KIF6: variants seen among roughly 807,000 people sequenced by gnomAD.
KIF6 encodes kinesin-like protein KIF6.
Under a neutral mutation model 112.7 loss-of-function variants are expected in KIF6, and 106 were observed. The ratio of observed to expected loss-of-function variants is 0.94; its 90% CI spans 0.80 to 1.11. The LOEUF is 1.11. Ranked by LOEUF, KIF6 falls within the 50% of genes least tolerant of loss-of-function variation. The pLI is 0.00. For missense variants in KIF6, 929 were observed against 964.0 expected (o/e 0.96, Z 0.48); for synonymous variants, 339 against 339.9 (o/e 1.00, Z 0.03).
At chr6:39,337,146 TTC>T (rs1197653120) in intron 22 of KIF6, among the ~76,000 whole-genome samples, 1 of 121,040 alleles carries the variant, frequency 8.3e-6, no homozygotes, top group African/African-American at 3.3e-5. Flanking sequence ...CTTCCTTCCT[TTC>T]TCTTTCTTTT....
At chr6:39,518,371 T>A (rs1404397634) in intron 13 of KIF6, among the ~76,000 whole-genome samples, 5 of 152,228 alleles carry the variant, frequency 3.3e-5, no homozygotes, top group Admixed American at 3.3e-4. Flanking sequence ...AGTTACTCTG[T>A]GTTATTATAT....
chr6:39,614,135 A>T (rs775241219), intron 5 of KIF6, among the ~76,000 whole-genome samples: 11 of 152,174 alleles, frequency 7.2e-5, no homozygotes, highest in Non-Finnish European at 1.0e-4. Flanking sequence ...AGTGGAACAA[A>T]ATTTGGCTAA....
chr6:39,412,878 G>T (rs966796235), intron 15 of KIF6, among the ~76,000 whole-genome samples: 4 of 151,968 alleles, frequency 2.6e-5, no homozygotes, highest in Non-Finnish European at 5.9e-5. Context: ...TCGTGCTGCT[G>T]TCCCCCATCT....
chr6:39,603,528 A>AT (rs145260008), intron 6 of KIF6, among the ~76,000 whole-genome samples: 53 of 146,774 alleles, frequency 3.6e-4, no homozygotes, highest in Admixed American at 1.1e-3. Context: ...ATGGTGATGC[A>AT]TTTTTTTTTT....
intron 13 of KIF6, among the ~76,000 whole-genome samples, chr6:39,530,743 T>C (rs533188291): frequency 2.0e-5 from 3 of 152,322 alleles, no homozygotes; most frequent in Admixed American, 6.5e-5. Flanking sequence ...GTTTCAGAGA[T>C]GGTCAGATTT....
chr6:39,725,366 C>CT lies in KIF6; in HGVS notation c.-57dup. The CT allele has an allele frequency of 6.9e-7, 1 of 1,452,582 alleles. No homozygotes were observed. The highest frequency in any genetic ancestry group is 9.6e-7 in the Non-Finnish European group (1 of 1,045,020). The allele number at this position is 1,452,582 out of a possible 1,614,324, so 90.0% of individuals were successfully genotyped here. On this transcript the variant is annotated 5_prime_UTR_variant, in exon 1 of 23. Transcript: ENST00000287152. ...CTCTCTCAGGCCCGGGCTGCCAAAA[C>CT]TAACTCCCACCACCTCCGGCGACCC...
At chr6:39,673,581 T>G (rs1291973230) in intron 3 of KIF6, among the ~76,000 whole-genome samples, 2 of 152,174 alleles carry the variant, frequency 1.3e-5, no homozygotes, top group Non-Finnish European at 1.5e-5. Context: ...GAATCATAAT[T>G]TGAAAAACAA....
intron 15 of KIF6, among the ~76,000 whole-genome samples, chr6:39,394,754 C>T (rs549369962): frequency 1.4e-4 from 21 of 152,336 alleles, no homozygotes; most frequent in African/African-American, 4.3e-4. Context: ...CATTTCATTT[C>T]TCCAGAATTC....
intron 13 of KIF6, among the ~76,000 whole-genome samples, chr6:39,505,133 T>C (rs1159401175): frequency 1.3e-5 from 2 of 152,190 alleles, no homozygotes; most frequent in Non-Finnish European, 2.9e-5. Flanking sequence ...AACAGCATGA[T>C]ACTGGTACAA....
intron 7 of KIF6, among the ~76,000 whole-genome samples, chr6:39,587,648 T>A (rs1364901341): frequency 6.6e-6 from 1 of 152,150 alleles, no homozygotes; most frequent in Admixed American, 6.5e-5. Flanking sequence ...CTACTAGATA[T>A]GATAGATATA....
chr6:39,535,226 T>A (rs1778349368), intron 13 of KIF6, among the ~76,000 whole-genome samples: 2 of 152,170 alleles, frequency 1.3e-5, no homozygotes, highest in Non-Finnish European at 2.9e-5. Flanking sequence ...TAACTTTAAA[T>A]GTAAATGGAC....
chr6:39,476,181 A>C (rs1774416629), intron 13 of KIF6, among the ~76,000 whole-genome samples: 2 of 151,766 alleles, frequency 1.3e-5, no homozygotes, highest in African/African-American at 4.8e-5. Flanking sequence ...CACATCCTGC[A>C]CATGTATCCC....
intron 3 of KIF6, among the ~76,000 whole-genome samples, chr6:39,653,101 C>T (rs1044837988): frequency 1.2e-4 from 18 of 152,108 alleles, no homozygotes; most frequent in Admixed American, 4.6e-4. Context: ...TTACATATTC[C>T]ACTACTTTTC....
At chr6:39,539,929 C>T (rs1778691592) in intron 13 of KIF6, 74 bp downstream of exon 13, 1 of 1,035,766 alleles carries the variant, frequency 9.7e-7, no homozygotes. Flanking sequence ...CATCCTGATA[C>T]ATGTAAAACT....
chr6:39,613,254 C>T lies in KIF6; in HGVS notation c.574G>A (p.Ala192Thr), dbSNP rs200974739. ...TTCAGAGCTTCTTCCTCTGTGGTTG[C>T]CTGATGGAGAGTCAAGTTTTTCAGG... is the stretch of plus-strand genomic sequence containing the variant. ...IHLKNLTLHQATTEEEALNLL... is the reference protein window; with the variant it reads ...IHLKNLTLHQTTTEEEALNLL... Residue 192 changes from alanine (A) to threonine (T), a missense_variant, in exon 6 of 23, where the codon GCA becomes ACA. By Grantham distance (58) the Ala-to-Thr change is moderately conservative. Around this residue, in one of 2 missense-constraint regions of KIF6, gnomAD observed 688 missense variants for 662.7 expected, o/e 1.04. Transcript: ENST00000287152. 521 of 1,606,308 alleles carry T rather than the reference C, an allele frequency of 3.2e-4. No homozygotes were observed. The highest frequency in any genetic ancestry group is 4.3e-4 in the Non-Finnish European group (511 of 1,176,202).
At chr6:39,449,704 GAGGA>G (rs1004312650) in intron 13 of KIF6, among the ~76,000 whole-genome samples, 1 of 152,214 alleles carries the variant, frequency 6.6e-6, no homozygotes, top group African/African-American at 2.4e-5. Flanking sequence ...GGATGAAAGA[GAGGA>G]AGGAAGGGAG....
chr6:39,597,144 A>G (rs1314859864), intron 6 of KIF6, among the ~76,000 whole-genome samples: 1 of 152,186 alleles, frequency 6.6e-6, no homozygotes, highest in Non-Finnish European at 1.5e-5. Flanking sequence ...GTAAATGTCT[A>G]TATATTAACC....
intron 12 of KIF6, among the ~76,000 whole-genome samples, chr6:39,542,981 G>T (rs995332094): frequency 2.6e-5 from 4 of 152,174 alleles, no homozygotes; most frequent in African/African-American, 9.7e-5. Context: ...AGTTAGTAAA[G>T]AATCTAGGGT....
At chr6:39,403,066 A>G (rs965165706) in intron 15 of KIF6, among the ~76,000 whole-genome samples, 18 of 152,330 alleles carry the variant, frequency 1.2e-4, no homozygotes, top group Non-Finnish European at 2.1e-4. Flanking sequence ...GTTCTCCAAC[A>G]TAAGATTCAT....
Sources: allele counts gnomAD v4.1 joint callset (sites outside exome capture counted in the v4.1 genomes callset), GRCh38; gene constraint gnomAD v4.1.1; regional missense constraint gnomAD v4.1.1; transcripts MANE v1.5; gene names NCBI Gene and HGNC (gene_info 2026-07-23, HGNC 2026-07-21).